Variants in RAP1GAP2 observed in about 807,000 individuals in gnomAD.
RAP1GAP2 encodes the protein rap1 GTPase-activating protein 2.
Under a neutral mutation model 95.0 loss-of-function variants are expected in RAP1GAP2, and 27 were observed. The observed-to-expected ratio is 0.28, with a 90% CI of 0.21 to 0.39. The LOEUF is 0.39. RAP1GAP2 is among the 10% of genes least tolerant of loss of function. The probability of loss-of-function intolerance (pLI) is 1.00; values close to 1 mark genes in which losing one functional copy is unlikely to be tolerated. For missense variants in RAP1GAP2, 771 were observed against 970.0 expected (o/e 0.79, Z 2.72); for synonymous variants, 373 against 380.9 (o/e 0.98, Z 0.24).
chr17:2,921,915 C>T (rs1482215553), intron 3 of RAP1GAP2, among the ~76,000 whole-genome samples: 1 of 152,206 alleles, frequency 6.6e-6, no homozygotes, highest in Non-Finnish European at 1.5e-5. Context: ...GGGGGTCTCT[C>T]CTCTGTGTGT....
chr17:2,855,471 G>GTTGTTT lies in RAP1GAP2; in HGVS notation c.81-49800_81-49795dup, dbSNP rs2072095266. On this transcript the variant is annotated intron_variant, in intron 2 of 24. Transcript: ENST00000254695. The surrounding 1 kb of genome is among the most constrained non-coding windows in gnomAD (Gnocchi z 4.3). ...GAACAGTTGCCTGGCTAGAACTTAG[G>GTTGTTT]TTGTTTTTGTTTTTGTTTCATTTAT... is the stretch of plus-strand genomic sequence containing the variant. Among the ~76,000 whole-genome samples the GTTGTTT allele has an allele frequency of 6.6e-6, 1 of 152,090 alleles. No homozygotes were observed. The highest frequency in any genetic ancestry group is 2.1e-4 in the South Asian group (1 of 4,826).
intron 8 of RAP1GAP2, among the ~76,000 whole-genome samples, chr17:2,976,030 C>T (rs137867392): frequency 2.5e-3 from 378 of 152,152 alleles, no homozygotes; most frequent in Non-Finnish European, 4.7e-3. Context: ...TCTGTTCACC[C>T]GGAATATCTA....
In RAP1GAP2 at chr17:3,008,581, C is replaced by T. The variant is rs1452954808; in HGVS notation, c.1494+436C>T. On this transcript the variant is annotated intron_variant, in intron 17 of 24. Coordinates refer to ENST00000254695, the MANE Select transcript of RAP1GAP2 (RefSeq NM_015085.5). This position sits in a 1 kb window ranked among gnomAD's most constrained non-coding sequence, Gnocchi z 4.2. ...TGGGTGCCACAGTGATTCTTCCTAG[C>T]CAGCCGGCCGAGCATTGGAAGACCT... 1.3e-5 allele frequency among the ~76,000 whole-genome samples: 2 copies of T among 152,150 alleles called. No individual in the cohort carries two copies. Among genetic ancestry groups the T allele is most frequent in the Non-Finnish European group, 2.9e-5 (2 of 68,016 alleles).
chr17:2,991,160 G>A (rs2045738787), intron 11 of RAP1GAP2, 137 bp from the exon 12 acceptor site: 1 of 701,636 alleles, frequency 1.4e-6, no homozygotes, highest in Non-Finnish European at 2.5e-6. Context: ...CAGTCCCACT[G>A]AGGGCAGCTA....
At chr17:2,987,207 G>A (rs1210209996) in intron 11 of RAP1GAP2, among the ~76,000 whole-genome samples, 1 of 152,170 alleles carries the variant, frequency 6.6e-6, no homozygotes, top group African/African-American at 2.4e-5. Context: ...AGAGTGCGGT[G>A]TTTCCCAGCC....
In RAP1GAP2 at chr17:3,026,273, G is replaced by A; in HGVS notation, c.1866-77G>A. On this transcript the variant is annotated intron_variant, in intron 20 of 24. Transcript: ENST00000254695. ...CGGGTGGGGGCGTGGGGAGCCGCCA[G>A]AGGTCCCGGGGAGGACCCTGGGGGT... is the stretch of plus-strand genomic sequence containing the variant. 9.4e-6 allele frequency: 13 copies of A among 1,377,848 alleles called. No homozygotes were observed. The South Asian group carries it at 1.5e-4, about 16-fold the overall frequency. 85.4% of individuals were successfully genotyped at this position (1,377,848 alleles called of 1,614,324 possible).
chr17:2,843,719 C>A (rs571152324), intron 2 of RAP1GAP2, among the ~76,000 whole-genome samples: 18 of 152,214 alleles, frequency 1.2e-4, no homozygotes, highest in African/African-American at 3.4e-4. Flanking sequence ...ACAAGAGCTT[C>A]GCCTTCCCAG....
At chr17:2,884,104 T>C (rs908620942) in intron 2 of RAP1GAP2, among the ~76,000 whole-genome samples, 2 of 152,088 alleles carry the variant, frequency 1.3e-5, no homozygotes, top group Admixed American at 1.3e-4. Context: ...GGGGGATGCA[T>C]GGGGCACAGG....
Position 2,797,086 on chromosome 17 carries a change from T to C in RAP1GAP2, c.44+515T>C, listed in dbSNP as rs1256019627. On this transcript the variant is annotated intron_variant, in intron 1 of 24. Transcript: ENST00000254695. This position sits in a 1 kb window ranked among gnomAD's most constrained non-coding sequence, Gnocchi z 5.6. ...GTCTGCGTGTTTGTGTGTGTGATGC[T>C]CCTGTCTGTGCTGTTGTTGTGGCCT... is the stretch of plus-strand genomic sequence containing the variant. Among the ~76,000 whole-genome samples, 1 of 152,046 alleles carries C rather than the reference T, an allele frequency of 6.6e-6. No homozygotes were observed. The highest frequency in any genetic ancestry group is 1.5e-5 in the Non-Finnish European group (1 of 68,006).
intron 2 of RAP1GAP2, among the ~76,000 whole-genome samples, chr17:2,869,731 G>A (rs2072767079): frequency 6.6e-6 from 1 of 152,232 alleles, no homozygotes; most frequent in South Asian, 2.1e-4. Flanking sequence ...CCGGGAGCAG[G>A]TGCGGGCAGC....
At chr17:2,766,294 A>C (rs530377272) in intron 1 of RAP1GAP2, among the ~76,000 whole-genome samples, 1 of 152,252 alleles carries the variant, frequency 6.6e-6, no homozygotes, top group Admixed American at 6.5e-5. Context: ...CTAGCCCCGC[A>C]CTGTGATGGG....
intron 3 of RAP1GAP2, among the ~76,000 whole-genome samples, chr17:2,953,192 A>G (rs1227035603): frequency 4.6e-5 from 7 of 151,522 alleles, no homozygotes; most frequent in African/African-American, 1.7e-4. Flanking sequence ...TGCATACATT[A>G]TATACAGTAT....
At chr17:2,778,969 G>A (rs12943011) in intron 1 of RAP1GAP2, among the ~76,000 whole-genome samples, 57,025 of 152,088 alleles carry the variant, frequency 0.37, 10,942 homozygotes, top group East Asian at 0.63. Context: ...GTGGCTCTGT[G>A]GACATTCGCT....
At chr17:2,776,186 T>C (rs889300949), upstream of RAP1GAP2, among the ~76,000 whole-genome samples, 5 of 151,976 alleles carry the variant, frequency 3.3e-5, no homozygotes, top group Non-Finnish European at 5.9e-5. Context: ...CTCATAAAAG[T>C]CCAGCCTCCA....
chr17:2,885,278 C>T (rs530503516), intron 2 of RAP1GAP2, among the ~76,000 whole-genome samples: 38 of 152,070 alleles, frequency 2.5e-4, no homozygotes, highest in Middle Eastern at 6.8e-3. Context: ...GTGATCCACC[C>T]GCCTCGGCCT....
At chr17:2,922,449 A>G (rs1480096824) in intron 3 of RAP1GAP2, among the ~76,000 whole-genome samples, 2 of 152,152 alleles carry the variant, frequency 1.3e-5, no homozygotes, top group African/African-American at 4.8e-5. Context: ...GGCCACCATT[A>G]CGGGGTCAGG....
Position 2,908,376 on chromosome 17 carries a change from C to T in RAP1GAP2, c.165+3008C>T, listed in dbSNP as rs77271967. On this transcript the variant is annotated intron_variant, in intron 3 of 24. Coordinates refer to ENST00000254695, the MANE Select transcript of RAP1GAP2 (RefSeq NM_015085.5). ...TAGTTAAGAGCACTGGAGTCATTGA[C>T]GATGTTACCCAGAGGATTAAGATGA... Among the ~76,000 whole-genome samples, 32 of 152,178 alleles carry T rather than the reference C, an allele frequency of 2.1e-4. No homozygotes were observed. In the East Asian group the frequency reaches 3.5e-3, roughly 17 times the overall value.
At chr17:2,967,111 G>A (rs2044637665) in intron 8 of RAP1GAP2, among the ~76,000 whole-genome samples, 1 of 152,194 alleles carries the variant, frequency 6.6e-6, no homozygotes, top group South Asian at 2.1e-4. Context: ...GCTCACGCCT[G>A]TAATCCCAGG....
rs2046267202 is a variant in RAP1GAP2 at position 3,004,340 on chromosome 17, T to C, written c.1201-1029T>C. Among the ~76,000 whole-genome samples, 1 of 152,214 alleles carries C rather than the reference T, an allele frequency of 6.6e-6. No individual in the cohort carries two copies. Among genetic ancestry groups the C allele is most frequent in the South Asian group, 2.1e-4 (1 of 4,828 alleles). On this transcript the variant is annotated intron_variant, in intron 14 of 24. Coordinates refer to ENST00000254695, the MANE Select transcript of RAP1GAP2 (RefSeq NM_015085.5). This position sits in a 1 kb window ranked among gnomAD's most constrained non-coding sequence, Gnocchi z 4.1. Reference sequence around the variant, plus strand: ...CCCGCTCCGTTTCCCCTCCGGACTCTGGCAGGGCCTTTCCTTGGCTCGGTG... The same window carrying C: ...CCCGCTCCGTTTCCCCTCCGGACTCCGGCAGGGCCTTTCCTTGGCTCGGTG...
Sources: allele counts gnomAD v4.1 joint callset (sites outside exome capture counted in the v4.1 genomes callset), GRCh38; gene constraint gnomAD v4.1.1; non-coding constraint Gnocchi (gnomAD v3.1); transcripts MANE v1.5; gene names NCBI Gene and HGNC (gene_info 2026-07-23, HGNC 2026-07-21).